Variants in KIF1B observed in about 807,000 individuals in gnomAD.
KIF1B encodes kinesin family member 1B, also known as kinesin-like protein KIF1B.
Under a neutral mutation model 241.9 loss-of-function variants are expected in KIF1B, and 76 were observed. The observed-to-expected ratio is 0.31, with a 90% CI of 0.26 to 0.38. The LOEUF (loss-of-function observed/expected upper bound fraction) is 0.38, where lower values mean the gene tolerates loss of function less well. Among genes scored for constraint, KIF1B ranks in the 10% least tolerant of loss-of-function variants. The probability of loss-of-function intolerance (pLI) is 1.00; values close to 1 mark genes in which losing one functional copy is unlikely to be tolerated. For missense variants in KIF1B, 1,622 were observed against 2,271.4 expected, an observed-to-expected ratio of 0.71 and a Z score of 5.81; for synonymous variants, 750 against 796.7, an observed-to-expected ratio of 0.94 and a Z score of 0.99.
chr1:10,220,598 G>A (rs1458174415), intron 1 of KIF1B, among the ~76,000 whole-genome samples: 1 of 152,126 alleles, frequency 6.6e-6, no homozygotes, highest in Non-Finnish European at 1.5e-5. Context: ...TTTTGAGGCT[G>A]CCATGAGCTT....
intron 15 of KIF1B, among the ~76,000 whole-genome samples, chr1:10,286,778 C>T (rs1446707308): frequency 2.0e-5 from 3 of 152,096 alleles, no homozygotes; most frequent in Non-Finnish European, 2.9e-5. Flanking sequence ...GAGTGAATGA[C>T]ACCTGAGCCT....
chr1:10,238,417 A>G (rs1163339505), intron 2 of KIF1B, among the ~76,000 whole-genome samples: 2 of 149,688 alleles, frequency 1.3e-5, no homozygotes, highest in East Asian at 2.0e-4. Flanking sequence ...AAAGTAATGC[A>G]TTTAGGCCAG....
At chr1:10,291,296 G>A (rs1649984977) in intron 16 of KIF1B, 135 bp downstream of exon 16, 1 of 657,084 alleles carries the variant, frequency 1.5e-6, no homozygotes, top group East Asian at 2.8e-5. Context: ...CCAAAAAAAT[G>A]GACAGGGATT....
At chr1:10,333,922 G>T (rs1011592532) in intron 27 of KIF1B, among the ~76,000 whole-genome samples, 1 of 152,070 alleles carries the variant, frequency 6.6e-6, no homozygotes, top group South Asian at 2.1e-4. Context: ...GGAGGCCGAG[G>T]CGGGTGGATC....
At chr1:10,361,881 T>C (rs1448920075) in intron 40 of KIF1B, 56 bp downstream of exon 40, 4 of 1,592,498 alleles carry the variant, frequency 2.5e-6, no homozygotes, top group Non-Finnish European at 3.4e-6. Context: ...AACAGAATCA[T>C]TAGTCCTTAA....
rs70998362 is a variant in KIF1B at position 10,216,957 on chromosome 1, CTTTTTTTTTTTTTTTTTTTTT to C, written c.-80+6093_-80+6113del. ...TTTCCCTGCAGTACTTGCCCATTTT[CTTTTTTTTTTTTTTTTTTTTT>C]TTTTTTTTTTTTTGAGACAGAGTCT... On this transcript the variant is annotated intron_variant, in intron 1 of 48. Transcript: ENST00000676179. Among the ~76,000 whole-genome samples the C allele has an allele frequency of 2.9e-4, 16 of 54,504 alleles. No homozygotes were observed. In the South Asian group the frequency reaches 3.1e-3, roughly 11 times the overall value. 35.8% of individuals were successfully genotyped at this position (54,504 alleles called of 152,430 possible).
chr1:10,275,387 C>A, intron 10 of KIF1B, 41 bp from the exon 11 acceptor site: 1 of 1,135,978 alleles, frequency 8.8e-7, no homozygotes, highest in Non-Finnish European at 1.3e-6. Flanking sequence ...AATTTTTTTC[C>A]CTAACGAAAA....
At chr1:10,354,602 TTA>T (rs1409573723) in intron 38 of KIF1B, among the ~76,000 whole-genome samples, 5 of 152,248 alleles carry the variant, frequency 3.3e-5, no homozygotes, top group African/African-American at 1.2e-4. Context: ...CAAAAATTAT[TTA>T]TGTTTTCATA....
At position 10,219,854 on chromosome 1, in the gene KIF1B, G is replaced by A. The variant is rs538561998; in HGVS notation, c.-80+8976G>A. Among the ~76,000 whole-genome samples the A allele has an allele frequency of 3.9e-5, 6 of 152,160 alleles. 1 individual carries two copies. The highest frequency in any genetic ancestry group is 3.9e-4 in the East Asian group (2 of 5,168). ...AGGCCTAGGTGAGAGGATTGCTTGCGCCCAATAGTTCGGTATCAGCCTGGG... is the reference window on the plus strand; with the variant it reads ...AGGCCTAGGTGAGAGGATTGCTTGCACCCAATAGTTCGGTATCAGCCTGGG... On this transcript the variant is annotated intron_variant, in intron 1 of 48. Coordinates refer to ENST00000676179, the MANE Select transcript of KIF1B (RefSeq NM_001365951.3).
At chr1:10,257,372 G>T (rs1323620735) in intron 3 of KIF1B, among the ~76,000 whole-genome samples, 2 of 149,096 alleles carry the variant, frequency 1.3e-5, no homozygotes. Flanking sequence ...TACTTGGGAG[G>T]CTGAGGCAGG....
At chr1:10,291,005 T>A in intron 15 of KIF1B, 77 bp from the exon 16 acceptor site, 2 of 1,148,304 alleles carry the variant, frequency 1.7e-6, no homozygotes. Flanking sequence ...AGGGCATGAT[T>A]TGCTTCTTGC....
In KIF1B at chr1:10,299,787, C is replaced by A. The variant is rs542595622; in HGVS notation, c.2115+2541C>A. 4.7e-4 allele frequency among the ~76,000 whole-genome samples: 71 copies of A among 152,174 alleles called. No individual in the cohort carries two copies. In the Middle Eastern group the frequency reaches 0.034, roughly 73 times the overall value. On this transcript the variant is annotated intron_variant, in intron 22 of 48. Transcript: ENST00000676179. Reference sequence around the variant, plus strand: ...TGCTTTTTACACACAGTTTTGGGATCTTCTCTCTTCTTATTTGCATAAGTT... The same window carrying A: ...TGCTTTTTACACACAGTTTTGGGATATTCTCTCTTCTTATTTGCATAAGTT...
intron 5 of KIF1B, among the ~76,000 whole-genome samples, chr1:10,265,322 C>T (rs1439347300): frequency 1.3e-5 from 2 of 151,936 alleles, no homozygotes; most frequent in East Asian, 1.9e-4. Context: ...GCATCCCCAA[C>T]CTCCTGGGCT....
In KIF1B at chr1:10,371,166, G is replaced by A. The variant is rs775481158; in HGVS notation, c.4850G>A (p.Arg1617Gln). Residue 1617 changes from arginine to glutamine, a missense_variant, in exon 45 of 49, where the codon CGG (arginine) becomes CAG (glutamine). Around this residue, in one of 7 missense-constraint regions of KIF1B, gnomAD observed 357 missense variants for 409.0 expected, o/e 0.87. Transcript: ENST00000676179. ...TTGTCTGATATCTCTCCAATTGGAC[G>A]GGATCCCTCTGAGTCCAGTTTCAGC... is the stretch of plus-strand genomic sequence containing the variant. Reference protein sequence around the residue: ...CKLSDISPIGRDPSESSFSSA... With the variant: ...CKLSDISPIGQDPSESSFSSA... 2.8e-5 allele frequency: 45 copies of A among 1,613,910 alleles called. No homozygotes were observed. The highest frequency in any genetic ancestry group is 3.6e-5 in the Non-Finnish European group (43 of 1,180,024).
intron 6 of KIF1B, among the ~76,000 whole-genome samples, 181 bp downstream of exon 6, chr1:10,267,739 A>T (rs921951068): frequency 1.3e-5 from 2 of 152,168 alleles, no homozygotes; most frequent in Non-Finnish European, 2.9e-5. Flanking sequence ...TTCTCATCTA[A>T]ACAGTACATT....
At position 10,288,183 on chromosome 1, in the gene KIF1B, G is replaced by T. The variant is rs569265149; in HGVS notation, c.1435-2899G>T. On this transcript the variant is annotated intron_variant, in intron 15 of 48. Coordinates refer to ENST00000676179, the MANE Select transcript of KIF1B (RefSeq NM_001365951.3). ...AAAAGCATTTTCTTTTTTTAAAGAGGGGCTCACTGTGTTGCTCAGGCTGGA... is the reference window on the plus strand; with the variant it reads ...AAAAGCATTTTCTTTTTTTAAAGAGTGGCTCACTGTGTTGCTCAGGCTGGA... Among the ~76,000 whole-genome samples, 25 of 152,238 alleles carry T rather than the reference G, an allele frequency of 1.6e-4. No homozygotes were observed. In the South Asian group the frequency reaches 5.0e-3, roughly 30 times the overall value.
At chr1:10,356,365 G>GA (rs528957527) in intron 38 of KIF1B, among the ~76,000 whole-genome samples, 18 of 148,964 alleles carry the variant, frequency 1.2e-4, no homozygotes, top group Admixed American at 4.7e-4. Flanking sequence ...ACTCTGTCTC[G>GA]AAAAAAAAAT....
intron 44 of KIF1B, 117 bp from the exon 45 acceptor site, chr1:10,371,024 G>T: frequency 8.2e-7 from 1 of 1,216,790 alleles, no homozygotes; most frequent in South Asian, 1.2e-5. Flanking sequence ...TTTCTTAAAT[G>T]ACCTTCTGAA....
At chr1:10,223,357 T>C (rs1047268812) in intron 1 of KIF1B, among the ~76,000 whole-genome samples, 4 of 152,190 alleles carry the variant, frequency 2.6e-5, no homozygotes, top group Non-Finnish European at 5.9e-5. Flanking sequence ...AGTAATTCTT[T>C]AAAGGAGCAG....
Sources: gnomAD v4.1 joint callset for allele counts (sites outside exome capture counted in the v4.1 genomes callset) on GRCh38, gnomAD v4.1.1 for gene constraint, gnomAD v4.1.1 regional missense constraint, MANE v1.5 for transcripts, NCBI Gene and HGNC (gene_info 2026-07-23, HGNC 2026-07-21) for gene names.